Variants in HPSE2 observed in about 807,000 individuals in gnomAD.
The protein encoded by HPSE2 is inactive heparanase-2.
In HPSE2, 38 loss-of-function variants were observed where a neutral mutation model predicts 60.5. That is an observed-to-expected ratio of 0.63 (90% CI 0.48 to 0.82). The LOEUF is 0.82. HPSE2 is among the 40% of genes least tolerant of loss of function. The probability of loss-of-function intolerance (pLI) is 0.00; values close to 1 mark genes in which losing one functional copy is unlikely to be tolerated. For synonymous variants in HPSE2, 295 were observed against 293.2 expected, an observed-to-expected ratio of 1.01 and a Z score of -0.06; for missense variants, 713 against 740.4, an observed-to-expected ratio of 0.96 and a Z score of 0.43.
At chr10:99,191,144 A>T (rs1848206174) in intron 2 of HPSE2, among the ~76,000 whole-genome samples, 1 of 151,448 alleles carries the variant, frequency 6.6e-6, no homozygotes, top group African/African-American at 2.4e-5. Flanking sequence ...AAGGTTCCCA[A>T]CTCCAGGCCC....
intron 3 of HPSE2, among the ~76,000 whole-genome samples, chr10:98,985,012 T>C (rs1343409682): frequency 6.6e-6 from 1 of 152,170 alleles, no homozygotes; most frequent in Non-Finnish European, 1.5e-5. Flanking sequence ...AATCTACATA[T>C]GATTGGTGTA....
chr10:99,139,298 A>G (rs1246684933), intron 3 of HPSE2, among the ~76,000 whole-genome samples: 2 of 152,110 alleles, frequency 1.3e-5, no homozygotes, highest in Admixed American at 1.3e-4. Context: ...GAAGGGGGAG[A>G]AAGGAGAAAA....
chr10:99,035,545 C>T (rs576516120), intron 3 of HPSE2, among the ~76,000 whole-genome samples: 4 of 151,878 alleles, frequency 2.6e-5, no homozygotes, highest in African/African-American at 9.7e-5. Context: ...GCATAGTATA[C>T]ACGTAAACCA....
At chr10:98,865,676 G>A (rs1952570050) in intron 3 of HPSE2, among the ~76,000 whole-genome samples, 1 of 152,098 alleles carries the variant, frequency 6.6e-6, no homozygotes, top group Non-Finnish European at 1.5e-5. Flanking sequence ...ATAAGCACAT[G>A]AGTATGAAGA....
the HPSE2 span, among the ~76,000 whole-genome samples, chr10:99,306,013 A>ACACACACACACACACACACACG: frequency 6.7e-6 from 1 of 148,964 alleles, no homozygotes. Flanking sequence ...ACACACACAC[A>ACACACACACACACACACACACG]CCAGACTGCT....
intron 2 of HPSE2, among the ~76,000 whole-genome samples, chr10:99,191,851 G>A (rs1848233542): frequency 2.0e-5 from 3 of 152,108 alleles, no homozygotes; most frequent in Non-Finnish European, 4.4e-5. Context: ...CAAAATAGCT[G>A]TTCTAAGGAA....
At chr10:98,863,901 A>G (rs1185277725) in intron 3 of HPSE2, among the ~76,000 whole-genome samples, 1 of 152,164 alleles carries the variant, frequency 6.6e-6, no homozygotes, top group East Asian at 1.9e-4. Context: ...ATTCACCATC[A>G]TCATAAATAT....
At chr10:99,298,707 GCT>G in the HPSE2 span, among the ~76,000 whole-genome samples, 1 of 146,962 alleles carries the variant, frequency 6.8e-6, no homozygotes, top group East Asian at 2.0e-4. Context: ...ACGGAGTCTC[GCT>G]CTGTCGCCAG....
the HPSE2 span, among the ~76,000 whole-genome samples, chr10:99,268,910 T>A: frequency 1.3e-5 from 2 of 151,464 alleles, no homozygotes; most frequent in African/African-American, 2.4e-5. Flanking sequence ...ATCCCAGTAC[T>A]TTTGGGAGGC....
the HPSE2 span, among the ~76,000 whole-genome samples, chr10:99,304,833 A>G: frequency 2.0e-5 from 3 of 152,218 alleles, no homozygotes; most frequent in Non-Finnish European, 4.4e-5. Context: ...TTATAGACAC[A>G]TGGGCAGGAG....
intron 9 of HPSE2, among the ~76,000 whole-genome samples, chr10:98,509,971 GCACA>G (rs1170575215): frequency 6.6e-6 from 1 of 150,484 alleles, no homozygotes; most frequent in African/African-American, 2.4e-5. Flanking sequence ...ACACACACAC[GCACA>G]CACACACACT....
chr10:98,711,485 G>A (rs1243451743), intron 5 of HPSE2, among the ~76,000 whole-genome samples: 2 of 152,074 alleles, frequency 1.3e-5, no homozygotes, highest in African/African-American at 4.8e-5. Flanking sequence ...AATAGCAAGA[G>A]CATGGGCCCC....
At chr10:98,716,442 AAAATAAAT>A (rs35131766) in intron 5 of HPSE2, among the ~76,000 whole-genome samples, 6 of 148,006 alleles carry the variant, frequency 4.1e-5, no homozygotes, top group East Asian at 2.0e-4. Flanking sequence ...ATAATAATAA[AAAATAAAT>A]AAATAAATAA....
intron 3 of HPSE2, among the ~76,000 whole-genome samples, chr10:98,841,531 C>T (rs1218448955): frequency 6.6e-6 from 1 of 152,166 alleles, no homozygotes; most frequent in Non-Finnish European, 1.5e-5. Context: ...CGGAACTTAA[C>T]TTTTTCACTC....
chr10:99,075,177 TTC>T (rs1842917843), intron 3 of HPSE2, among the ~76,000 whole-genome samples: 1 of 152,288 alleles, frequency 6.6e-6, no homozygotes, highest in South Asian at 2.1e-4. Context: ...CTATCAACTT[TTC>T]TCTTAGGATC....
intron 2 of HPSE2, among the ~76,000 whole-genome samples, chr10:99,189,280 C>T (rs1189602862): frequency 8.5e-5 from 13 of 152,084 alleles, no homozygotes; most frequent in Admixed American, 8.5e-4. Context: ...TTATTTTTAC[C>T]GGCTTCTGGC....
At chr10:98,936,697 T>C (rs1270056844) in intron 3 of HPSE2, among the ~76,000 whole-genome samples, 2 of 143,236 alleles carry the variant, frequency 1.4e-5, no homozygotes, top group Non-Finnish European at 3.0e-5. Context: ...TTTGAAAGTT[T>C]TGGCCAGGTG....
chr10:98,888,199 A>G (rs912282693), intron 3 of HPSE2, among the ~76,000 whole-genome samples: 4 of 150,900 alleles, frequency 2.7e-5, no homozygotes, highest in African/African-American at 9.7e-5. Context: ...TAAAGAAATC[A>G]GCCCTGAAGA....
intron 9 of HPSE2, among the ~76,000 whole-genome samples, chr10:98,528,820 A>G (rs1943048938): frequency 6.6e-6 from 1 of 152,208 alleles, no homozygotes; most frequent in African/African-American, 2.4e-5. Flanking sequence ...ACTGTGAATG[A>G]AAAAGAAAGG....
Sources: allele counts gnomAD v4.1 joint callset (sites outside exome capture counted in the v4.1 genomes callset), GRCh38; gene constraint gnomAD v4.1.1; transcripts MANE v1.5; gene names NCBI Gene and HGNC (gene_info 2026-07-23, HGNC 2026-07-21).